Variants in GPC5 observed in about 807,000 individuals in gnomAD.
GPC5 encodes glypican-5.
GPC5 carries 47 observed loss-of-function variants against 53.9 expected under a neutral mutation model. That is an observed-to-expected ratio of 0.87 (90% CI 0.69 to 1.11). The LOEUF is 1.11. GPC5 is among the 50% of genes most tolerant of loss of function. The pLI is 0.00. For missense variants in GPC5, 748 were observed against 713.1 expected (o/e 1.05, Z -0.56); for synonymous variants, 286 against 263.3 (o/e 1.09, Z -0.84).
chr13:91,677,988 A>G (rs942775449), intron 2 of GPC5, among the ~76,000 whole-genome samples: 1 of 152,174 alleles, frequency 6.6e-6, no homozygotes, highest in Non-Finnish European at 1.5e-5. Flanking sequence ...GGTCTGATTG[A>G]TTTTGTGCTT....
intron 2 of GPC5, among the ~76,000 whole-genome samples, chr13:91,455,332 G>A (rs1881466450): frequency 6.6e-6 from 1 of 152,002 alleles, no homozygotes; most frequent in Non-Finnish European, 1.5e-5. Context: ...TGGTTTGTGT[G>A]CATTGTCATA....
chr13:91,879,474 A>G (rs567253801), intron 5 of GPC5, among the ~76,000 whole-genome samples: 5 of 152,184 alleles, frequency 3.3e-5, no homozygotes, highest in Non-Finnish European at 7.3e-5. Context: ...GGGGCTGGGA[A>G]ATCTAAGACC....
chr13:91,572,913 A>T (rs1254321315), intron 2 of GPC5, among the ~76,000 whole-genome samples: 1 of 152,124 alleles, frequency 6.6e-6, no homozygotes, highest in Non-Finnish European at 1.5e-5. Context: ...ATTCACTCCC[A>T]ATTATTTGTT....
chr13:92,493,358 A>G (rs2138916216), intron 7 of GPC5, among the ~76,000 whole-genome samples: 1 of 152,310 alleles, frequency 6.6e-6, no homozygotes, highest in Admixed American at 6.5e-5. Context: ...GGGAGGGAAC[A>G]CTTTTTTAAA....
chr13:92,036,341 A>G (rs2040893072), intron 6 of GPC5, among the ~76,000 whole-genome samples: 2 of 152,210 alleles, frequency 1.3e-5, no homozygotes, highest in African/African-American at 4.8e-5. Flanking sequence ...TAGTGTTATA[A>G]CAATTCTACA....
chr13:91,664,845 TA>T (rs1292415128), intron 2 of GPC5, among the ~76,000 whole-genome samples: 1 of 152,234 alleles, frequency 6.6e-6, no homozygotes, highest in African/African-American at 2.4e-5. Context: ...TATACTCCTT[TA>T]CCTGTGGATC....
chr13:92,361,358 C>T (rs190088652), intron 7 of GPC5, among the ~76,000 whole-genome samples: 31 of 151,594 alleles, frequency 2.0e-4, no homozygotes, highest in South Asian at 1.2e-3. Context: ...TACCTGGACC[C>T]GGTCATTTAG....
At chr13:92,237,714 T>C (rs2042580604) in intron 7 of GPC5, among the ~76,000 whole-genome samples, 1 of 152,164 alleles carries the variant, frequency 6.6e-6, no homozygotes. Flanking sequence ...AAGTGTACAA[T>C]TCAGTGCTTT....
intron 2 of GPC5, among the ~76,000 whole-genome samples, chr13:91,585,641 G>A (rs576952511): frequency 1.3e-5 from 2 of 152,310 alleles, no homozygotes; most frequent in East Asian, 1.9e-4. Flanking sequence ...GGTGGAGGGA[G>A]CAGCTGCAAG....
intron 6 of GPC5, among the ~76,000 whole-genome samples, chr13:92,073,550 C>T (rs1401577004): frequency 6.6e-6 from 1 of 152,000 alleles, no homozygotes; most frequent in African/African-American, 2.4e-5. Context: ...TCATATCTCA[C>T]TGGTTTAGAT....
intron 6 of GPC5, among the ~76,000 whole-genome samples, chr13:91,994,332 C>G (rs1252319509): frequency 1.3e-5 from 2 of 152,178 alleles, no homozygotes; most frequent in African/African-American, 4.8e-5. Flanking sequence ...GTTACTACTG[C>G]ATCATCTAAG....
intron 2 of GPC5, among the ~76,000 whole-genome samples, chr13:91,649,708 T>C (rs1008151458): frequency 3.3e-5 from 5 of 152,176 alleles, no homozygotes; most frequent in African/African-American, 9.6e-5. Flanking sequence ...ACCTGAGTTA[T>C]AGCATCTCTG....
chr13:92,165,047 C>T (rs537841786), intron 7 of GPC5, among the ~76,000 whole-genome samples: 1 of 152,160 alleles, frequency 6.6e-6, no homozygotes, highest in Non-Finnish European at 1.5e-5. Context: ...CCCACAAAAC[C>T]GTCTTTCCCT....
intron 6 of GPC5, among the ~76,000 whole-genome samples, chr13:92,089,598 C>T (rs2041363278): frequency 6.6e-6 from 1 of 152,030 alleles, no homozygotes; most frequent in Admixed American, 6.5e-5. Flanking sequence ...TGTATTTGTT[C>T]AACCAAATCT....
chr13:92,606,173 G>T (rs555357364), intron 7 of GPC5, among the ~76,000 whole-genome samples: 2 of 152,006 alleles, frequency 1.3e-5, no homozygotes, highest in South Asian at 4.2e-4. Flanking sequence ...GTGCCATGTT[G>T]GTGTGCTGCA....
At chr13:92,524,707 T>C (rs1881207595) in intron 7 of GPC5, among the ~76,000 whole-genome samples, 2 of 152,120 alleles carry the variant, frequency 1.3e-5, no homozygotes, top group Non-Finnish European at 2.9e-5. Flanking sequence ...TATTGATTAT[T>C]GTAGATTATC....
chr13:92,023,282 T>C (rs889357080), intron 6 of GPC5, among the ~76,000 whole-genome samples: 1 of 152,098 alleles, frequency 6.6e-6, no homozygotes, highest in Non-Finnish European at 1.5e-5. Flanking sequence ...GAAGACGTCA[T>C]AAATCAAACA....
chr13:92,322,399 A>G (rs2139224603), intron 7 of GPC5, among the ~76,000 whole-genome samples: 1 of 152,314 alleles, frequency 6.6e-6, no homozygotes, highest in South Asian at 2.1e-4. Context: ...ATGACAAAGA[A>G]AAGGTAGTAT....
chr13:92,692,754 A>AT (rs71272284), intron 7 of GPC5, among the ~76,000 whole-genome samples: 1,300 of 81,024 alleles, frequency 0.016, 73 homozygotes, highest in Middle Eastern at 0.038. Context: ...AATATCGGCT[A>AT]TTTTTTTTTT....
Sources: allele counts gnomAD v4.1 joint callset (sites outside exome capture counted in the v4.1 genomes callset), GRCh38; gene constraint gnomAD v4.1.1; transcripts MANE v1.5; gene names NCBI Gene and HGNC (gene_info 2026-07-23, HGNC 2026-07-21).